The following CSMD1 variants were observed in gnomAD, a reference collection of about 807,000 sequenced individuals.
CSMD1 encodes CUB and Sushi multiple domains 1.
In CSMD1, 213 loss-of-function variants were observed where a neutral mutation model predicts 417.5. The observed-to-expected ratio is 0.51, with a 90% CI of 0.46 to 0.57. The LOEUF (loss-of-function observed/expected upper bound fraction) is 0.57. CSMD1 is among the 20% of genes least tolerant of loss of function. The pLI is 0.00. For missense variants in CSMD1, 6,923 were observed against 4,529.7 expected (o/e 1.53, Z -15.17); for synonymous variants, 2,862 against 1,736.8 (o/e 1.65, Z -16.11).
chr8:4,271,161 A>T (rs1416396994), intron 3 of CSMD1, among the ~76,000 whole-genome samples: 1 of 152,106 alleles, frequency 6.6e-6, no homozygotes, highest in Non-Finnish European at 1.5e-5. Context: ...TACAGATATC[A>T]TTTGCATTAC....
At chr8:3,663,308 A>T (rs913687281) in intron 7 of CSMD1, among the ~76,000 whole-genome samples, 2 of 152,192 alleles carry the variant, frequency 1.3e-5, no homozygotes, top group African/African-American at 4.8e-5. Flanking sequence ...GCAGTAGAAT[A>T]TATTTTTCAG....
At chr8:4,016,705 G>C (rs1796540316) in intron 4 of CSMD1, among the ~76,000 whole-genome samples, 1 of 152,202 alleles carries the variant, frequency 6.6e-6, no homozygotes, top group South Asian at 2.1e-4. Flanking sequence ...TAGCCTTTAA[G>C]TAACATGTTA....
At position 3,343,455 on chromosome 8, in the gene CSMD1, T is replaced by A. The variant is rs7813641; in HGVS notation, c.3475-5A>T. 116,525 of 1,610,610 alleles carry A rather than the reference T, an allele frequency of 0.072. 7,604 individuals carry two copies. Among genetic ancestry groups the A allele is most frequent in the East Asian group, 0.34 (15,151 of 44,732 alleles). ...ACTGTCTTTTCCATCATATACCTGA[T>A]GAAAATTCACAGCATGAGTCCCTCT... On this transcript the variant is annotated splice_polypyrimidine_tract_variant and splice_region_variant and intron_variant, in intron 22 of 69. Coordinates refer to ENST00000635120, the MANE Select transcript of CSMD1 (RefSeq NM_033225.6).
chr8:3,423,715 GT>G (rs1813642945), intron 12 of CSMD1, among the ~76,000 whole-genome samples: 1 of 152,152 alleles, frequency 6.6e-6, no homozygotes, highest in African/African-American at 2.4e-5. Context: ...AGGTCTTTGT[GT>G]GGAAATGTGT....
chr8:3,155,939 C>A lies in CSMD1; in HGVS notation c.5914+1958G>T, dbSNP rs144222354. ...TACACAATTTCACCTGCATCCCATG[C>A]AAGGCAGTTAAATTGTGTATTACTA... On this transcript the variant is annotated intron_variant, in intron 39 of 69. Transcript: ENST00000635120. Among the ~76,000 whole-genome samples, 1,231 of 152,234 alleles carry A rather than the reference C, an allele frequency of 8.1e-3. 64 individuals carry two copies. The highest frequency in any genetic ancestry group is 0.072 in the Admixed American group (1,106 of 15,294).
chr8:4,293,543 T>C (rs1797493772), intron 3 of CSMD1, among the ~76,000 whole-genome samples: 1 of 152,210 alleles, frequency 6.6e-6, no homozygotes, highest in Non-Finnish European at 1.5e-5. Context: ...AATAGACTTG[T>C]CACCCCTGTG....
chr8:3,388,651 G>A (rs952874608), intron 17 of CSMD1, among the ~76,000 whole-genome samples: 9 of 152,110 alleles, frequency 5.9e-5, no homozygotes, highest in Non-Finnish European at 1.2e-4. Context: ...ACTTGGGCCT[G>A]GCCCCAATAC....
chr8:3,548,166 G>A (rs6558791), intron 10 of CSMD1, among the ~76,000 whole-genome samples: 3 of 151,912 alleles, frequency 2.0e-5, no homozygotes, highest in African/African-American at 7.3e-5. Context: ...CAATGTTATG[G>A]GGGGTTCCTG....
chr8:4,047,455 G>C (rs911679023), intron 3 of CSMD1, among the ~76,000 whole-genome samples: 13 of 152,288 alleles, frequency 8.5e-5, no homozygotes, highest in East Asian at 3.9e-4. Flanking sequence ...GAATTCTTAA[G>C]AATCATTATA....
intron 7 of CSMD1, among the ~76,000 whole-genome samples, chr8:3,700,263 C>T (rs922235791): frequency 7.4e-4 from 112 of 152,102 alleles, no homozygotes; most frequent in African/African-American, 2.5e-3. Context: ...GGAAAAAATA[C>T]GAAAAATAAT....
chr8:4,054,165 C>A (rs1179978082), intron 3 of CSMD1, among the ~76,000 whole-genome samples: 1 of 152,136 alleles, frequency 6.6e-6, no homozygotes, highest in African/African-American at 2.4e-5. Context: ...CTCATTACCA[C>A]CATCAAGATT....
In CSMD1 at chr8:4,151,241, A is replaced by C. The variant is rs979530664; in HGVS notation, c.416-119142T>G. Among the ~76,000 whole-genome samples the C allele has an allele frequency of 1.3e-4, 20 of 152,302 alleles. No homozygotes were observed. The South Asian group carries it at 2.7e-3, about 20-fold the overall frequency. ...ATCAAGTATAAATACGGTGAAGTTT[A>C]CTTGGAAAGCTAAAATATTCAGACT... On this transcript the variant is annotated intron_variant, in intron 3 of 69. Transcript: ENST00000635120.
intron 39 of CSMD1, among the ~76,000 whole-genome samples, chr8:3,151,861 C>A (rs534422296): frequency 2.6e-5 from 4 of 152,156 alleles, no homozygotes; most frequent in South Asian, 2.1e-4. Flanking sequence ...TAGTATTACT[C>A]CCTATTGATT....
At chr8:4,707,886 C>CAAAAAAAAAAAAAAAAAAAAAAAAAA (rs552510236) in intron 1 of CSMD1, among the ~76,000 whole-genome samples, 12 of 100,850 alleles carry the variant, frequency 1.2e-4, no homozygotes, top group Non-Finnish European at 1.8e-4. Flanking sequence ...GACTTTGTTT[C>CAAAAAAAAAAAAAAAAAAAAAAAAAA]AAAAAAAAAA....
chr8:4,760,594 T>C (rs1360122983), intron 1 of CSMD1, among the ~76,000 whole-genome samples: 1 of 152,168 alleles, frequency 6.6e-6, no homozygotes, highest in African/African-American at 2.4e-5. Flanking sequence ...ATTATACCTA[T>C]GAAAAAATAG....
chr8:4,896,019 T>C (rs1218939302), intron 1 of CSMD1, among the ~76,000 whole-genome samples: 1 of 152,258 alleles, frequency 6.6e-6, no homozygotes, highest in Middle Eastern at 3.4e-3. Flanking sequence ...GATTGAGATA[T>C]TTGTAATGAT....
intron 2 of CSMD1, among the ~76,000 whole-genome samples, chr8:4,512,629 T>C (rs1279286743): frequency 2.6e-5 from 4 of 152,168 alleles, no homozygotes; most frequent in Non-Finnish European, 4.4e-5. Context: ...AATAAATTGC[T>C]TTTTTATATA....
At chr8:3,886,890 T>G (rs562267060) in intron 5 of CSMD1, among the ~76,000 whole-genome samples, 112 of 152,318 alleles carry the variant, frequency 7.4e-4, no homozygotes, top group Non-Finnish European at 1.3e-3. Flanking sequence ...CGCATGGTAA[T>G]GATTCACTGA....
At chr8:3,275,040 T>G (rs1355153874) in intron 26 of CSMD1, among the ~76,000 whole-genome samples, 11 of 152,202 alleles carry the variant, frequency 7.2e-5, no homozygotes, top group Admixed American at 7.2e-4. Flanking sequence ...TCTTTACAAT[T>G]TGGCATGATT....
Sources: allele counts gnomAD v4.1 joint callset (sites outside exome capture counted in the v4.1 genomes callset), GRCh38; gene constraint gnomAD v4.1.1; transcripts MANE v1.5; gene names NCBI Gene and HGNC (gene_info 2026-07-23, HGNC 2026-07-21).